Variants in MCUB observed in about 807,000 individuals in gnomAD.
MCUB encodes the protein mitochondrial calcium uniporter dominant negative subunit beta.
A neutral mutation model predicts 41.4 loss-of-function variants in MCUB; 46 were observed. The ratio of observed to expected loss-of-function variants is 1.11; its 90% CI spans 0.88 to 1.42. The LOEUF (loss-of-function observed/expected upper bound fraction) is 1.42. Among genes scored for constraint, MCUB ranks in the 40% most tolerant of loss-of-function variants. MCUB has a pLI of 0.00. For missense variants in MCUB, 403 were observed against 404.9 expected, an observed-to-expected ratio of 1.00 and a Z score of 0.04; for synonymous variants, 148 against 148.2, an observed-to-expected ratio of 1.00 and a Z score of 0.01.
chr4:109,586,963 G>A (rs540076236), intron 1 of MCUB, among the ~76,000 whole-genome samples: 21 of 152,334 alleles, frequency 1.4e-4, no homozygotes, highest in African/African-American at 2.4e-4. Flanking sequence ...CTCAAACACC[G>A]TGCTGGGAGA....
intron 4 of MCUB, among the ~76,000 whole-genome samples, chr4:109,679,407 A>G (rs1434292627): frequency 6.6e-6 from 1 of 152,222 alleles, no homozygotes; most frequent in Non-Finnish European, 1.5e-5. Flanking sequence ...GCACCTCGGG[A>G]GGCCGAGGCG....
intron 1 of MCUB, among the ~76,000 whole-genome samples, chr4:109,627,037 A>G (rs1001819222): frequency 6.6e-6 from 1 of 152,210 alleles, no homozygotes; most frequent in Non-Finnish European, 1.5e-5. Context: ...AGGCATTAAT[A>G]TGTTAAAATT....
chr4:109,682,329 T>TA (rs2126152095), intron 4 of MCUB, among the ~76,000 whole-genome samples: 1 of 152,060 alleles, frequency 6.6e-6, no homozygotes, highest in African/African-American at 2.4e-5. Context: ...GGTGACTTTT[T>TA]TTTTTTTTAC....
chr4:109,571,628 T>A (rs138754992), intron 1 of MCUB, among the ~76,000 whole-genome samples: 144 of 152,322 alleles, frequency 9.5e-4, no homozygotes, highest in African/African-American at 3.0e-3. Context: ...TAAAGCCAGT[T>A]TTTTCCCTCT....
intron 1 of MCUB, among the ~76,000 whole-genome samples, chr4:109,590,609 T>C (rs746586034): frequency 1.7e-4 from 26 of 152,334 alleles, no homozygotes; most frequent in Non-Finnish European, 2.9e-4. Context: ...TTAAAAGCAA[T>C]CACTTACTAC....
Position 109,642,311 on chromosome 4 carries a change from C to G in MCUB, c.100-16700C>G, listed in dbSNP as rs117453628. 3.6e-3 allele frequency among the ~76,000 whole-genome samples: 552 copies of G among 152,178 alleles called. 6 individuals carry two copies. Among genetic ancestry groups the G allele is most frequent in the East Asian group, 0.013 (68 of 5,180 alleles). On this transcript the variant is annotated intron_variant, in intron 1 of 7. Transcript: ENST00000394650. Reference sequence around the variant, plus strand: ...TACTACTGAGTGAGCCCTGAAACAGCAAGAATAATGGAGTTCTTGCCCATG... The same window carrying G: ...TACTACTGAGTGAGCCCTGAAACAGGAAGAATAATGGAGTTCTTGCCCATG...
intron 1 of MCUB, among the ~76,000 whole-genome samples, chr4:109,619,192 C>T (rs755906963): frequency 2.0e-5 from 3 of 151,990 alleles, no homozygotes; most frequent in Non-Finnish European, 4.4e-5. Context: ...TCAGCCTCCT[C>T]AGCCTCCCGA....
intron 1 of MCUB, among the ~76,000 whole-genome samples, chr4:109,576,156 C>T (rs949495071): frequency 4.6e-5 from 7 of 152,182 alleles, no homozygotes; most frequent in South Asian, 4.1e-4. Flanking sequence ...TAGGAGGAGA[C>T]GAAATACGGA....
chr4:109,627,920 A>G (rs1315271256), intron 1 of MCUB, among the ~76,000 whole-genome samples: 1 of 150,780 alleles, frequency 6.6e-6, no homozygotes, highest in South Asian at 2.1e-4. Context: ...CTCAGAAGAA[A>G]AAAAAAAAAA....
Position 109,599,499 on chromosome 4 carries a change from C to T in MCUB, c.99+39063C>T, listed in dbSNP as rs186151828. On this transcript the variant is annotated intron_variant, in intron 1 of 7. Transcript: ENST00000394650. ...TTCAGTAGTGTTGAGGGAAGTCTGT[C>T]TAGAAGGTCCTTGGAGGTAGCTCTG... Among the ~76,000 whole-genome samples the T allele has an allele frequency of 3.9e-4, 60 of 152,162 alleles. 1 individual carries two copies. The highest frequency in any genetic ancestry group is 1.2e-3 in the Admixed American group (19 of 15,280).
In MCUB at chr4:109,592,460, T is replaced by G. The variant is rs532972915; in HGVS notation, c.99+32024T>G. 2.6e-5 allele frequency among the ~76,000 whole-genome samples: 4 copies of G among 152,128 alleles called. No individual in the cohort carries two copies. In the East Asian group the frequency reaches 5.8e-4, roughly 22 times the overall value. ...ATATTTATGTATGTTTTATAACACCTGTAGATATTTTTATGTAACACAAAC... is the reference window on the plus strand; with the variant it reads ...ATATTTATGTATGTTTTATAACACCGGTAGATATTTTTATGTAACACAAAC... On this transcript the variant is annotated intron_variant, in intron 1 of 7. Coordinates refer to ENST00000394650, the MANE Select transcript of MCUB (RefSeq NM_017918.5).
At chr4:109,589,051 T>C (rs1434002302) in intron 1 of MCUB, among the ~76,000 whole-genome samples, 1 of 152,192 alleles carries the variant, frequency 6.6e-6, no homozygotes, top group African/African-American at 2.4e-5. Flanking sequence ...CAGGGCAGCA[T>C]TGAATATATT....
At chr4:109,629,321 A>G (rs1337640275) in intron 1 of MCUB, among the ~76,000 whole-genome samples, 2 of 152,106 alleles carry the variant, frequency 1.3e-5, no homozygotes, top group Non-Finnish European at 2.9e-5. Flanking sequence ...GATTTGAGGA[A>G]CCTGAAAATA....
rs139219846 is a variant in MCUB at position 109,676,173 on chromosome 4, G to T, written c.452-6409G>T. ...GGACAATTCTGGTCAGGGCTCGGAAGAGAATAGCTGTAGGAAGTCTAAAAG... is the reference window on the plus strand; with the variant it reads ...GGACAATTCTGGTCAGGGCTCGGAATAGAATAGCTGTAGGAAGTCTAAAAG... On this transcript the variant is annotated intron_variant, in intron 4 of 7. Coordinates refer to ENST00000394650, the MANE Select transcript of MCUB (RefSeq NM_017918.5). Among the ~76,000 whole-genome samples, 193 of 152,322 alleles carry T rather than the reference G, an allele frequency of 1.3e-3. 3 individuals are homozygous for T. Among genetic ancestry groups the T allele is most frequent in the Non-Finnish European group, 2.0e-3 (138 of 68,034 alleles).
intron 4 of MCUB, among the ~76,000 whole-genome samples, chr4:109,671,126 A>G (rs1335150851): frequency 6.6e-6 from 1 of 152,152 alleles, no homozygotes; most frequent in African/African-American, 2.4e-5. Flanking sequence ...GTTGATTTTC[A>G]TTGTATTCAG....
intron 4 of MCUB, among the ~76,000 whole-genome samples, chr4:109,674,350 G>T (rs1729526633): frequency 6.6e-6 from 1 of 152,182 alleles, no homozygotes; most frequent in Admixed American, 6.5e-5. Flanking sequence ...ACTTAAACAT[G>T]TCACCTAAAT....
chr4:109,662,337 G>A (rs530882938), intron 3 of MCUB, among the ~76,000 whole-genome samples: 5 of 152,332 alleles, frequency 3.3e-5, no homozygotes, highest in Admixed American at 2.0e-4. Context: ...TAAGCTTCTA[G>A]GGGCAGGCAG....
intron 1 of MCUB, among the ~76,000 whole-genome samples, chr4:109,575,719 A>G (rs1727011107): frequency 6.6e-6 from 1 of 152,248 alleles, no homozygotes; most frequent in African/African-American, 2.4e-5. Context: ...CTAAATTAGG[A>G]TGAAATATCT....
intron 4 of MCUB, chr4:109,674,227 A>G: frequency 1.4e-6 from 1 of 735,922 alleles, no homozygotes. Context: ...ATGGGTTTAG[A>G]TGGTAACATG....
Sources: gnomAD v4.1 joint callset for allele counts (sites outside exome capture counted in the v4.1 genomes callset) on GRCh38, gnomAD v4.1.1 for gene constraint, MANE v1.5 for transcripts, NCBI Gene and HGNC (gene_info 2026-07-23, HGNC 2026-07-21) for gene names.